COL1A1: variants seen among roughly 807,000 people sequenced by gnomAD.
The protein encoded by COL1A1 is collagen alpha-1(I) chain.
A neutral mutation model predicts 195.7 loss-of-function variants in COL1A1; 21 were observed. The ratio of observed to expected loss-of-function variants is 0.11; its 90% confidence interval spans 0.08 to 0.15. The LOEUF is 0.15. Among genes scored for constraint, COL1A1 ranks in the 10% least tolerant of loss-of-function variants. The pLI is 1.00. For synonymous variants in COL1A1, 749 were observed against 747.3 expected, an observed-to-expected ratio of 1.00 and a Z score of -0.04; for missense variants, 1,365 against 2,051.0, an observed-to-expected ratio of 0.67 and a Z score of 6.46.
At chr17:50,193,909 C>G (rs199783930) in intron 25 of COL1A1, 34 bp downstream of exon 25, 1 of 1,592,042 alleles carries the variant, frequency 6.3e-7, no homozygotes, top group East Asian at 2.2e-5. Flanking sequence ...TGTGTTTGTC[C>G]CTGGCTCTTC....
chr17:50,195,907 G>T lies in COL1A1; in HGVS notation c.1056+16C>A. 6.4e-7 allele frequency: 1 copy of T among 1,571,668 alleles called. No homozygotes were observed. The highest frequency in any genetic ancestry group is 1.3e-5 in the African/African-American group (1 of 74,114). On this transcript the variant is annotated intron_variant, in intron 16 of 50. Transcript: ENST00000225964. This position sits in a 1 kb window ranked among gnomAD's most constrained non-coding sequence, Gnocchi z 4.3. ...GCCCATGAGGGTCATGCTTAGAGGAGAGTGGGGGGTCTCACCTTAGCACCA... is the reference window on the plus strand; with the variant it reads ...GCCCATGAGGGTCATGCTTAGAGGATAGTGGGGGGTCTCACCTTAGCACCA...
Position 50,189,157 on chromosome 17 carries a change from G to A in COL1A1, c.2937+11C>T. 1 of 1,613,004 alleles carries A rather than the reference G, an allele frequency of 6.2e-7. No individual in the cohort carries two copies. The highest frequency in any genetic ancestry group is 8.5e-7 in the Non-Finnish European group (1 of 1,179,170). The stretch of plus-strand genomic sequence containing the variant: ...TTTCTCAGGGCCCCCCAAGGTGAGG[G>A]GGGCACTTACAGAGGGGCCAGGAAG... On this transcript the variant is annotated intron_variant, in intron 40 of 50. Coordinates refer to ENST00000225964, the MANE Select transcript of COL1A1 (RefSeq NM_000088.4). The surrounding 1 kb of genome is among the most constrained non-coding windows in gnomAD (Gnocchi z 5.5).
At position 50,189,283 on chromosome 17, in the gene COL1A1, A is replaced by G. The variant is rs1906854244; in HGVS notation, c.2830-8T>C. The G allele has an allele frequency of 6.2e-7, 1 of 1,613,776 alleles. No individual in the cohort carries two copies. Among genetic ancestry groups the G allele is most frequent in the African/African-American group, 1.3e-5 (1 of 74,852 alleles). On this transcript the variant is annotated splice_region_variant and splice_polypyrimidine_tract_variant and intron_variant, in intron 39 of 50. Coordinates refer to ENST00000225964, the MANE Select transcript of COL1A1 (RefSeq NM_000088.4). This position sits in a 1 kb window ranked among gnomAD's most constrained non-coding sequence, Gnocchi z 5.5. ...GGGAGTACCAGGAGCACCCTTTGGG[A>G]GGCAAACAGGGGTGAGGTGCCAGAG...
rs1478039532 is a variant in COL1A1 at position 50,186,302 on chromosome 17, G to A, written c.4005+15C>T. ...CCCATCTCCTAACACTGGCTCTGAG[G>A]TCCAGCTCACGCACCTGGAATCCAT... On this transcript the variant is annotated intron_variant, in intron 49 of 50. Coordinates refer to ENST00000225964, the MANE Select transcript of COL1A1 (RefSeq NM_000088.4). This position sits in a 1 kb window ranked among gnomAD's most constrained non-coding sequence, Gnocchi z 5.3. The A allele has an allele frequency of 1.2e-6, 2 of 1,613,932 alleles. No individual in the cohort carries two copies. The highest frequency in any genetic ancestry group is 1.7e-6 in the Non-Finnish European group (2 of 1,179,948).
rs41316693 is a variant in COL1A1 at position 50,188,661 on chromosome 17, T to A, written c.3100-24A>T. The A allele has an allele frequency of 1.8e-5, 29 of 1,612,312 alleles. No homozygotes were observed. Among genetic ancestry groups the A allele is most frequent in the Non-Finnish European group, 2.4e-5 (28 of 1,179,390 alleles). On this transcript the variant is annotated intron_variant, in intron 42 of 50. Transcript: ENST00000225964. The surrounding 1 kb of genome is among the most constrained non-coding windows in gnomAD (Gnocchi z 5.6). ...CCCTGGCGGGGAGAGCAGGGGAATATGGGTCAGCCCCGGGTGAAGGGCCAG... is the reference window on the plus strand; with the variant it reads ...CCCTGGCGGGGAGAGCAGGGGAATAAGGGTCAGCCCCGGGTGAAGGGCCAG...
At position 50,199,609 on chromosome 17, in the gene COL1A1, C is replaced by G; in HGVS notation, c.299-19G>C. On this transcript the variant is annotated intron_variant, in intron 2 of 50. Coordinates refer to ENST00000225964, the MANE Select transcript of COL1A1 (RefSeq NM_000088.4). ...GGTGACTCTAGGGGACGAAGAGACG[C>G]GCGTTAGAGCCAAGGTTTGCTAATG... 1 of 1,614,092 alleles carries G rather than the reference C, an allele frequency of 6.2e-7. No individual in the cohort carries two copies. The highest frequency in any genetic ancestry group is 1.1e-5 in the South Asian group (1 of 91,082).
chr17:50,187,741 G>A, intron 45 of COL1A1, 135 bp downstream of exon 45: 1 of 980,342 alleles, frequency 1.0e-6, no homozygotes, highest in Non-Finnish European at 1.6e-6. Flanking sequence ...ACTTGGACAT[G>A]CCCACAAATC....
chr17:50,199,861 C>G lies in COL1A1; in HGVS notation c.190G>C (p.Asp64His). ...KPEPCRICVC[D>H]NGKVLCDDVI... is the part of the protein sequence containing the mutation. ...TCATCGCACAACACCTTGCCGTTGT[C>G]GCAGACGCAGATCCGGCAGGGCTCG... Residue 64 changes from aspartate to histidine, a missense_variant, in exon 2 of 51, where the codon GAC becomes CAC. Physicochemically the swap from Asp to His is moderately conservative, Grantham distance 81. Coordinates refer to ENST00000225964, the MANE Select transcript of COL1A1 (RefSeq NM_000088.4). The G allele has an allele frequency of 6.2e-7, 1 of 1,614,192 alleles. No individual in the cohort carries two copies. Among genetic ancestry groups the G allele is most frequent in the Non-Finnish European group, 8.5e-7 (1 of 1,180,028 alleles).
chr17:50,188,657 A>C lies in COL1A1; in HGVS notation c.3100-20T>G. 1 of 1,612,392 alleles carries C rather than the reference A, an allele frequency of 6.2e-7. No homozygotes were observed. The highest frequency in any genetic ancestry group is 2.2e-5 in the East Asian group (1 of 44,794). ...GTCACCCTGGCGGGGAGAGCAGGGG[A>C]ATATGGGTCAGCCCCGGGTGAAGGG... On this transcript the variant is annotated intron_variant, in intron 42 of 50. Coordinates refer to ENST00000225964, the MANE Select transcript of COL1A1 (RefSeq NM_000088.4). This position sits in a 1 kb window ranked among gnomAD's most constrained non-coding sequence, Gnocchi z 5.6.
Position 50,198,014 on chromosome 17 carries a change from G to C in COL1A1, c.589-12C>G, listed in dbSNP as rs746323358. ...AAGCCTTGGGGACCCTTGAGAAGAA[G>C]GAAAAAGATGGGTTAGAAGACAAGT... is the stretch of plus-strand genomic sequence containing the variant. On this transcript the variant is annotated splice_polypyrimidine_tract_variant and intron_variant, in intron 7 of 50. Transcript: ENST00000225964. The C allele has an allele frequency of 6.2e-6, 10 of 1,613,920 alleles. No individual in the cohort carries two copies. The South Asian group carries it at 1.1e-4, about 18-fold the overall frequency.
At position 50,192,031 on chromosome 17, in the gene COL1A1, G is replaced by A; in HGVS notation, c.1984-7C>T. The A allele has an allele frequency of 6.2e-7, 1 of 1,611,952 alleles. No individual in the cohort carries two copies. The highest frequency in any genetic ancestry group is 8.5e-7 in the Non-Finnish European group (1 of 1,179,332). On this transcript the variant is annotated splice_polypyrimidine_tract_variant and splice_region_variant and intron_variant, in intron 29 of 50. Coordinates refer to ENST00000225964, the MANE Select transcript of COL1A1 (RefSeq NM_000088.4). Reference sequence around the variant, plus strand: ...CAAGGTCTCCAGGAACACCCTGAGGGGGAGGGAGAGAGGAACAGACAGTGA... The same window carrying A: ...CAAGGTCTCCAGGAACACCCTGAGGAGGAGGGAGAGAGGAACAGACAGTGA...
chr17:50,189,176 C>T lies in COL1A1; in HGVS notation c.2929G>A (p.Gly977Ser). The change falls in exon 40 of 51, where the codon GGC (glycine) becomes AGC (serine). Residue 977 changes from glycine to serine, a missense_variant. By Grantham distance (56) the Gly-to-Ser change is moderately conservative (BLOSUM62 0). Transcript: ENST00000225964. This position sits in a 1 kb window ranked among gnomAD's most constrained non-coding sequence, Gnocchi z 5.5. ...RGERGFPGLP[G>S]PSGEPGKQGP... Reference sequence around the variant, plus strand: ...GTGAGGGGGGCACTTACAGAGGGGCCAGGAAGACCAGGGAAGCCTCTCTCT... The same window carrying T: ...GTGAGGGGGGCACTTACAGAGGGGCTAGGAAGACCAGGGAAGCCTCTCTCT... 6.2e-7 allele frequency: 1 copy of T among 1,613,838 alleles called. No homozygotes were observed. The highest frequency in any genetic ancestry group is 8.5e-7 in the Non-Finnish European group (1 of 1,179,908).
intron 7 of COL1A1, 25 bp downstream of exon 7, chr17:50,198,136 A>G (rs1384932336): frequency 6.2e-7 from 1 of 1,613,846 alleles, no homozygotes. Context: ...CCAAGGAGGC[A>G]TATGAAGACG....
chr17:50,185,183 A>G lies in COL1A1; in HGVS notation c.*319T>C, dbSNP rs1309079019. The G allele has an allele frequency of 5.5e-6, 2 of 366,446 alleles. No individual in the cohort carries two copies. The highest frequency in any genetic ancestry group is 1.0e-5 in the Non-Finnish European group (2 of 200,018). The allele number at this position is 366,446 out of a possible 1,614,324, so 22.7% of individuals were successfully genotyped here. ...GGGGTTTCATAAGCCCAACGGGCAG[A>G]AAGGGACTTACCCCCGCATGGGTCT... On this transcript the variant is annotated 3_prime_UTR_variant, in exon 51 of 51. Transcript: ENST00000225964.
At chr17:50,191,171 A>C (rs1215682483) in intron 32 of COL1A1, among the ~76,000 whole-genome samples, 1 of 152,018 alleles carries the variant, frequency 6.6e-6, no homozygotes, top group Non-Finnish European at 1.5e-5. Context: ...AGATGCCCCC[A>C]CCTCTCATCA....
intron 11 of COL1A1, 52 bp downstream of exon 11, chr17:50,196,958 A>G: frequency 6.3e-7 from 1 of 1,593,828 alleles, no homozygotes; most frequent in Non-Finnish European, 8.6e-7. Flanking sequence ...TTGGGACTGG[A>G]TGGGGGTATG....
At chr17:50,192,613 A>G (rs755404045) in intron 28 of COL1A1, 27 bp downstream of exon 28, 1 of 1,614,190 alleles carries the variant, frequency 6.2e-7, no homozygotes, top group East Asian at 2.2e-5. Flanking sequence ...CCTACCTCCC[A>G]GCATCCTGAC....
At chr17:50,187,814 GA>G in intron 45 of COL1A1, 61 bp downstream of exon 45, 3 of 1,433,656 alleles carry the variant, frequency 2.1e-6, no homozygotes, top group Non-Finnish European at 2.9e-6. Flanking sequence ...AAACTGAGGC[GA>G]AGCTCCCCCT....
Position 50,189,357 on chromosome 17 carries a change from A to G in COL1A1, c.2829+20T>C, listed in dbSNP as rs372169804. 20 of 1,613,434 alleles carry G rather than the reference A, an allele frequency of 1.2e-5. No individual in the cohort carries two copies. Among genetic ancestry groups the G allele is most frequent in the Admixed American group, 1.7e-5 (1 of 60,002 alleles). Reference sequence around the variant, plus strand: ...GCTCTGCACACCTCCGGAGCTGCAGAGATCTGAGCTGGCACTTACAGCAGG... The same window carrying G: ...GCTCTGCACACCTCCGGAGCTGCAGGGATCTGAGCTGGCACTTACAGCAGG... On this transcript the variant is annotated intron_variant, in intron 39 of 50. Transcript: ENST00000225964. The surrounding 1 kb of genome is among the most constrained non-coding windows in gnomAD (Gnocchi z 5.5).
Sources: allele counts gnomAD v4.1 joint callset (sites outside exome capture counted in the v4.1 genomes callset), GRCh38; gene constraint gnomAD v4.1.1; non-coding constraint Gnocchi (gnomAD v3.1); transcripts MANE v1.5; gene names NCBI Gene and HGNC (gene_info 2026-07-23, HGNC 2026-07-21).